Variants in MED29 observed in about 807,000 individuals in gnomAD.
The protein encoded by MED29 is mediator of RNA polymerase II transcription subunit 29.
Under a neutral mutation model 22.0 loss-of-function variants are expected in MED29, and 14 were observed. The observed-to-expected ratio is 0.64, with a 90% CI of 0.42 to 0.99. The LOEUF (loss-of-function observed/expected upper bound fraction) is 0.99. Among genes scored for constraint, MED29 ranks in the 50% least tolerant of loss-of-function variants. The probability of loss-of-function intolerance (pLI) is 0.00; values close to 1 mark genes in which losing one functional copy is unlikely to be tolerated. For missense variants in MED29, 241 were observed against 253.7 expected (o/e 0.95, Z 0.34); for synonymous variants, 123 against 107.8 (o/e 1.14, Z -0.87).
At chr19:39,392,685 G>A (rs1216122102) in intron 2 of MED29, 163 bp downstream of exon 2, 4 of 609,436 alleles carry the variant, frequency 6.6e-6, no homozygotes, top group Non-Finnish European at 1.1e-5. Flanking sequence ...GGACTACAGT[G>A]GCACGATCTT....
chr19:39,397,540 C>G lies in MED29; in HGVS notation c.444C>G (p.Asp148Glu), dbSNP rs766863168. 3 of 1,613,210 alleles carry G rather than the reference C, an allele frequency of 1.9e-6. No individual in the cohort carries two copies. Among genetic ancestry groups the G allele is most frequent in the Non-Finnish European group, 1.7e-6 (2 of 1,180,028 alleles). ...PTLVPTATKPDAVQPDSLPYP... is the reference protein window; with the variant it reads ...PTLVPTATKPEAVQPDSLPYP... ...TGGTGCCCACAGCCACCAAGCCCGA[C>G]GCAGTGCAGCCTGACAGCCTCCCCT... Residue 148 changes from aspartate to glutamate, a missense_variant, in exon 4 of 4, where the codon GAC becomes GAG. Coordinates refer to ENST00000315588, the MANE Select transcript of MED29 (RefSeq NM_017592.4).
rs1435307213 is a variant in MED29, at chr19:39,397,955, C to A, written c.*256C>A. The A allele has an allele frequency of 2.4e-5, 14 of 592,050 alleles. No homozygotes were observed. Among genetic ancestry groups the A allele is most frequent in the Non-Finnish European group, 3.8e-5 (13 of 342,686 alleles). 36.7% of individuals were successfully genotyped at this position (592,050 alleles called of 1,614,324 possible). On this transcript the variant is annotated 3_prime_UTR_variant, in exon 4 of 4. Coordinates refer to ENST00000315588, the MANE Select transcript of MED29 (RefSeq NM_017592.4). ...GTTGATGACTTCTCTGTTCCACAGG[C>A]CCTCCCCCATTCTTGCCTGGGTGTG...
At chr19:39,393,798 C>G in intron 3 of MED29, 161 bp downstream of exon 3, 1 of 663,596 alleles carries the variant, frequency 1.5e-6, no homozygotes, top group East Asian at 2.5e-5. Context: ...TGATCCTTGC[C>G]CTTGCAGAGC....
intron 3 of MED29, among the ~76,000 whole-genome samples, chr19:39,395,009 A>G (rs1289211306): frequency 6.6e-6 from 1 of 151,862 alleles, no homozygotes; most frequent in Non-Finnish European, 1.5e-5. Flanking sequence ...ATGCACTGCC[A>G]TGCCTGGCTA....
intron 3 of MED29, among the ~76,000 whole-genome samples, chr19:39,395,886 C>T (rs1268391467): frequency 1.3e-5 from 2 of 151,712 alleles, no homozygotes; most frequent in African/African-American, 2.4e-5. Context: ...CACTGCACTC[C>T]AGCCTGGGTG....
In MED29 at chr19:39,393,600, A is replaced by T; in HGVS notation, c.323A>T (p.Glu108Val). Reference protein sequence around the residue: ...PIQRFDKCLEEFYALCDQLEL... With the variant: ...PIQRFDKCLEVFYALCDQLEL... ...CAGCGCTTTGACAAGTGCCTGGAAG[A>T]GTTCTATGCACTCTGTGACCAGCTG... Residue 108 changes from glutamate (E) to valine (V), a missense_variant, in exon 3 of 4, where the codon GAG becomes GTG. Transcript: ENST00000315588. The T allele has an allele frequency of 6.2e-7, 1 of 1,614,152 alleles. No homozygotes were observed.
intron 1 of MED29, among the ~76,000 whole-genome samples, chr19:39,392,026 A>AAAATAAAT (rs541069051): frequency 3.3e-5 from 5 of 152,132 alleles, no homozygotes; most frequent in Admixed American, 6.5e-5. Flanking sequence ...CTCCGTCAAA[A>AAAATAAAT]AAATAAATAA....
rs1445962082 is a variant in MED29, at chr19:39,398,049, C to T, written c.*350C>T. ...CCAGCTGGGAGGTGGTCTCTGTGTG[C>T]CACTCCTCTGTGTCTCTATTACAGT... On this transcript the variant is annotated 3_prime_UTR_variant, in exon 4 of 4. Transcript: ENST00000315588. 1.6e-5 allele frequency: 8 copies of T among 514,796 alleles called. No homozygotes were observed. The highest frequency in any genetic ancestry group is 1.5e-4 in the African/African-American group (8 of 52,748). The allele number at this position is 514,796 out of a possible 1,614,324, so 31.9% of individuals were successfully genotyped here.
At chr19:39,392,952 G>A (rs923648058) in intron 2 of MED29, 23 of 167,898 alleles carry the variant, frequency 1.4e-4, no homozygotes, top group Non-Finnish European at 2.7e-4. Flanking sequence ...GTCTTGCCAC[G>A]TTGTCCAGGC....
chr19:39,393,520 A>G (rs2078411192), intron 2 of MED29, 33 bp from the exon 3 acceptor site: 1 of 1,596,518 alleles, frequency 6.3e-7, no homozygotes, highest in Non-Finnish European at 8.6e-7. Flanking sequence ...TTAGAAATCA[A>G]TTCTTCAGAC....
rs1188831555 is a variant in MED29, at chr19:39,399,942, CACT to C, written c.*2244_*2246del. The C allele has an allele frequency of 6.6e-6, 1 of 152,240 alleles. No homozygotes were observed. The highest frequency in any genetic ancestry group is 2.4e-5 in the African/African-American group (1 of 41,448). The allele number at this position is 152,240 out of a possible 1,614,324, so 9.4% of individuals were successfully genotyped here. On this transcript the variant is annotated 3_prime_UTR_variant, in exon 4 of 4. Transcript: ENST00000315588. ...TCAGGCACAGGGCGGAGGTGGGCAC[CACT>C]GAGTTGCACTCAGCAAACACATTGG...
At chr19:39,394,842 G>A (rs1457934867) in intron 3 of MED29, among the ~76,000 whole-genome samples, 2 of 150,356 alleles carry the variant, frequency 1.3e-5, no homozygotes, top group African/African-American at 2.4e-5. Flanking sequence ...GATTACAGGC[G>A]TGAGCTACCA....
intron 2 of MED29, chr19:39,392,896 CT>C: frequency 5.0e-6 from 1 of 198,838 alleles, no homozygotes; most frequent in East Asian, 1.2e-4. Flanking sequence ...TCACGAATCA[CT>C]TCTCCTATTT....
At chr19:39,395,171 G>A (rs1283109406) in intron 3 of MED29, among the ~76,000 whole-genome samples, 1 of 152,130 alleles carries the variant, frequency 6.6e-6, no homozygotes, top group Non-Finnish European at 1.5e-5. Context: ...AAGGAAAAGT[G>A]GGAGGTTGAG....
rs1218857141 is a variant in MED29, at chr19:39,400,513, A to G, written c.*2814A>G. 1 of 152,272 alleles carries G rather than the reference A, an allele frequency of 6.6e-6. No homozygotes were observed. The highest frequency in any genetic ancestry group is 1.5e-5 in the Non-Finnish European group (1 of 68,050). The allele number at this position is 152,272 out of a possible 1,614,324, so 9.4% of individuals were successfully genotyped here. On this transcript the variant is annotated 3_prime_UTR_variant, in exon 4 of 4. Transcript: ENST00000315588. ...AACACATGAAATGTAACATCTGCAT[A>G]TGGAGAATCGTGTTACTTTATTGAA...
chr19:39,396,606 G>T lies in MED29; in HGVS notation c.361-851G>T, dbSNP rs1283883284. ...CCAGGCTTGGTGGCATGCACCTGAA[G>T]TGCCAGCTCCTCTGGAGGCTGAGGC... On this transcript the variant is annotated intron_variant, in intron 3 of 3. Coordinates refer to ENST00000315588, the MANE Select transcript of MED29 (RefSeq NM_017592.4). 3.3e-5 allele frequency among the ~76,000 whole-genome samples: 5 copies of T among 152,078 alleles called. 1 individual carries two copies. Among genetic ancestry groups the T allele is most frequent in the African/African-American group, 1.2e-4 (5 of 41,398 alleles).
chr19:39,393,489 T>C (rs1600624239), intron 2 of MED29, 64 bp from the exon 3 acceptor site: 1 of 1,433,346 alleles, frequency 7.0e-7, no homozygotes, highest in East Asian at 2.3e-5. Context: ...CTTGGTTGGG[T>C]AGATACTGGT....
rs777845155 is a variant in MED29 at position 39,397,581 on chromosome 19, C to T, written c.485C>T (p.Ala162Val). ...AGCCTCCCCTACCCACAGTACCTGG[C>T]GGTCATCAAAGCCCAGATTTCCTGT... ...PDSLPYPQYL[A>V]VIKAQISCAK... The change falls in exon 4 of 4, where the codon GCG (alanine) becomes GTG (valine). Residue 162 changes from alanine (A) to valine (V), a missense_variant. By Grantham distance (64) the Ala-to-Val change is moderately conservative. Transcript: ENST00000315588. The T allele has an allele frequency of 3.7e-6, 6 of 1,613,736 alleles. No individual in the cohort carries two copies. Among genetic ancestry groups the T allele is most frequent in the Non-Finnish European group, 4.2e-6 (5 of 1,180,020 alleles).
chr19:39,392,341 A>G, intron 1 of MED29, 123 bp from the exon 2 acceptor site: 2 of 806,768 alleles, frequency 2.5e-6, no homozygotes. Flanking sequence ...GAAAGTCAGG[A>G]GGGAAGGTGC....
Sources: gnomAD v4.1 joint callset for allele counts (sites outside exome capture counted in the v4.1 genomes callset) on GRCh38, gnomAD v4.1.1 for gene constraint, MANE v1.5 for transcripts, NCBI Gene and HGNC (gene_info 2026-07-23, HGNC 2026-07-21) for gene names.